Variants in PRR27 observed in about 807,000 individuals in gnomAD.
PRR27 encodes proline rich 27.
Under a neutral mutation model 16.8 loss-of-function variants are expected in PRR27, and 12 were observed. The observed-to-expected ratio is 0.71, with a 90% CI of 0.46 to 1.16. The LOEUF is 1.16. PRR27 is among the 50% of genes most tolerant of loss of function. The probability of loss-of-function intolerance (pLI) is 0.00; values close to 1 mark genes in which losing one functional copy is unlikely to be tolerated. For missense variants in PRR27, 277 were observed against 273.3 expected, an observed-to-expected ratio of 1.01 and a Z score of -0.10; for synonymous variants, 100 against 98.4, an observed-to-expected ratio of 1.02 and a Z score of -0.10.
chr4:70,156,202 G>A, intron 2 of PRR27, 125 bp downstream of exon 2: 1 of 482,782 alleles, frequency 2.1e-6, no homozygotes, highest in East Asian at 3.6e-5. Context: ...TAAAATAATA[G>A]TGCTATTAAA....
chr4:70,160,753 A>G (rs1728627408), intron 3 of PRR27, among the ~76,000 whole-genome samples: 1 of 152,038 alleles, frequency 6.6e-6, no homozygotes, highest in South Asian at 2.1e-4. Context: ...GACAAAAAAA[A>G]AAATGTAAGA....
At chr4:70,158,163 T>C (rs116567123) in intron 2 of PRR27, among the ~76,000 whole-genome samples, 165 bp from the exon 3 acceptor site, 3,257 of 152,334 alleles carry the variant, frequency 0.021, 38 homozygotes, top group Non-Finnish European at 0.03. Context: ...AAGAGATTAT[T>C]ACTTCTTACT....
Position 70,158,578 on chromosome 4 carries a change from TC to T in PRR27, c.329del (p.Pro110ArgfsTer35), listed in dbSNP as rs1451549115. The stretch of plus-strand genomic sequence containing the variant: ...GTTCCTCCTCTCCCTCCTAGGGGTT[TC>T]CCGTTTGTCCCTCCTTCAAGGTTTT... ...LNVPPLPPRG[F>X]PFVPPSRFFS... is the part of the protein sequence containing the mutation. On this transcript the variant is annotated frameshift_variant, in exon 3 of 5. Transcript: ENST00000344526. LOFTEE classifies it high-confidence loss of function. 2 of 1,614,036 alleles carry T rather than the reference TC, an allele frequency of 1.2e-6. No homozygotes were observed. Among genetic ancestry groups the T allele is most frequent in the African/African-American group, 2.7e-5 (2 of 74,902 alleles).
rs1422513875 is a variant in PRR27 at position 70,165,692 on chromosome 4, C to A, written c.*3031C>A. On this transcript the variant is annotated 3_prime_UTR_variant, in exon 5 of 5. Coordinates refer to ENST00000344526, the MANE Select transcript of PRR27 (RefSeq NM_214711.4). ...TGTATGTGTGTTTATATCCATCTTACATAATTCTTTACTGTATAGCGTTCC... is the reference window on the plus strand; with the variant it reads ...TGTATGTGTGTTTATATCCATCTTAAATAATTCTTTACTGTATAGCGTTCC... 2 of 152,086 alleles carry A rather than the reference C, an allele frequency of 1.3e-5. No individual in the cohort carries two copies. Among genetic ancestry groups the A allele is most frequent in the African/African-American group, 4.8e-5 (2 of 41,440 alleles). The allele number at this position is 152,086 out of a possible 1,614,324, so 9.4% of individuals were successfully genotyped here. A position where few individuals can be genotyped will look rare whatever the true frequency, so the allele number is the denominator to read the frequency against.
intron 1 of PRR27, among the ~76,000 whole-genome samples, chr4:70,154,975 T>C (rs1178664302): frequency 6.6e-6 from 1 of 152,190 alleles, no homozygotes; most frequent in Non-Finnish European, 1.5e-5. Context: ...CTATGCTAAA[T>C]ATTATCTTTT....
chr4:70,161,179 T>TATATATATATATATATATAC (rs527588905), intron 3 of PRR27, among the ~76,000 whole-genome samples: 35 of 107,664 alleles, frequency 3.3e-4, no homozygotes, highest in South Asian at 1.5e-3. Context: ...TATATATATA[T>TATATATATATATATATATAC]ACACACATAC....
At chr4:70,159,891 T>A (rs1206680875) in intron 3 of PRR27, among the ~76,000 whole-genome samples, 1 of 152,178 alleles carries the variant, frequency 6.6e-6, no homozygotes, top group Non-Finnish European at 1.5e-5. Context: ...GATCAAGAAC[T>A]TTTTCCTGCC....
rs116724729 is a variant in PRR27, at chr4:70,160,281, C to T, written c.649-1305C>T. On this transcript the variant is annotated intron_variant, in intron 3 of 4. Transcript: ENST00000344526. Reference sequence around the variant, plus strand: ...CTTAGCTCCCATTTATAAGTGAGAACACAGATATCTAGATCTTTGTATCTA... The same window carrying T: ...CTTAGCTCCCATTTATAAGTGAGAATACAGATATCTAGATCTTTGTATCTA... Among the ~76,000 whole-genome samples the T allele has an allele frequency of 3.9e-3, 588 of 152,214 alleles. 6 individuals are homozygous for T. The highest frequency in any genetic ancestry group is 0.012 in the African/African-American group (496 of 41,526).
intron 2 of PRR27, among the ~76,000 whole-genome samples, chr4:70,157,752 C>T (rs1473197254): frequency 6.6e-6 from 1 of 152,146 alleles, no homozygotes; most frequent in East Asian, 1.9e-4. Context: ...ATCTCTTGAC[C>T]TCGTGATCCG....
At chr4:70,159,683 A>G (rs1405330806) in intron 3 of PRR27, among the ~76,000 whole-genome samples, 1 of 152,198 alleles carries the variant, frequency 6.6e-6, no homozygotes, top group African/African-American at 2.4e-5. Context: ...TAGTACACAC[A>G]TATATGTGTG....
Position 70,158,858 on chromosome 4 carries a change from G to A in PRR27, c.606G>A (p.Lys202=). 1 of 1,614,002 alleles carries A rather than the reference G, an allele frequency of 6.2e-7. No homozygotes were observed. Among genetic ancestry groups the A allele is most frequent in the African/African-American group, 1.3e-5 (1 of 74,984 alleles). The part of the protein sequence containing the change: ...EPSPAEPATA[K]PAAPEPHPSP... ...CACCAGCTGAGCCTGCTACAGCCAA[G>A]CCTGCTGCCCCAGAACCTCACCCTT... The change falls in exon 3 of 5, where the codon AAG becomes AAA. Residue 202 remains lysine, a synonymous_variant. Coordinates refer to ENST00000344526, the MANE Select transcript of PRR27 (RefSeq NM_214711.4).
In PRR27 at chr4:70,158,720, T is replaced by C; in HGVS notation, c.468T>C (p.Ala156=). 1 of 1,580,806 alleles carries C rather than the reference T, an allele frequency of 6.3e-7. No individual in the cohort carries two copies. Reference sequence around the variant, plus strand: ...CTGCTGCAGGGGCCCCTGTTGCAGCTGAGCCTGCTGCAGAGGCACCTGTTG... The same window carrying C: ...CTGCTGCAGGGGCCCCTGTTGCAGCCGAGCCTGCTGCAGAGGCACCTGTTG... ...AEPAAGAPVA[A]EPAAEAPVGA... Residue 156 remains alanine, a synonymous_variant, in exon 3 of 5, where the codon GCT becomes GCC. Coordinates refer to ENST00000344526, the MANE Select transcript of PRR27 (RefSeq NM_214711.4).
chr4:70,154,525 T>C, intron 1 of PRR27, 99 bp downstream of exon 1: 1 of 1,036,718 alleles, frequency 9.6e-7, no homozygotes, highest in East Asian at 2.5e-5. Flanking sequence ...GTGTTTGTAA[T>C]AAAGCAGCAG....
chr4:70,155,426 G>T (rs1728452638), intron 1 of PRR27, among the ~76,000 whole-genome samples: 1 of 151,150 alleles, frequency 6.6e-6, no homozygotes, highest in Admixed American at 6.6e-5. Context: ...GTGCAGTGGC[G>T]CGACCTGGGC....
At chr4:70,158,293 T>TACAA (rs71210149) in intron 2 of PRR27, 35 bp from the exon 3 acceptor site, 1,347,062 of 1,372,654 alleles carry the variant, frequency 0.98, 661,625 homozygotes, top group East Asian at 1. Context: ...ACAGGACAAA[T>TACAA]ACAATCAACT....
chr4:70,158,623 C>A lies in PRR27; in HGVS notation c.371C>A (p.Pro124His). 6.2e-7 allele frequency: 1 copy of A among 1,614,052 alleles called. No individual in the cohort carries two copies. The highest frequency in any genetic ancestry group is 8.5e-7 in the Non-Finnish European group (1 of 1,179,982). The change falls in exon 3 of 5, where the codon CCC becomes CAC. Residue 124 changes from proline to histidine, a missense_variant. By Grantham distance (77) the Pro-to-His change is moderately conservative (BLOSUM62 -2). Coordinates refer to ENST00000344526, the MANE Select transcript of PRR27 (RefSeq NM_214711.4). ...PSRFFSAAAA[P>H]AAPPIAAEPA... ...AGGTTTTTTTCAGCAGCTGCAGCACCCGCTGCCCCACCTATTGCAGCTGAG... is the reference window on the plus strand; with the variant it reads ...AGGTTTTTTTCAGCAGCTGCAGCACACGCTGCCCCACCTATTGCAGCTGAG...
Position 70,154,277 on chromosome 4 carries a change from T to C in PRR27, c.-99T>C. ...CAGACTAAAAAAGCCATGTATTCTT[T>C]CGTTTCTCTCTAAAAGAAGAAAAAT... is the stretch of plus-strand genomic sequence containing the variant. On this transcript the variant is annotated 5_prime_UTR_variant, in exon 1 of 5. Coordinates refer to ENST00000344526, the MANE Select transcript of PRR27 (RefSeq NM_214711.4). 1 of 1,019,374 alleles carries C rather than the reference T, an allele frequency of 9.8e-7. No homozygotes were observed. The highest frequency in any genetic ancestry group is 1.5e-6 in the Non-Finnish European group (1 of 678,502). The allele number at this position is 1,019,374 out of a possible 1,614,324, so 63.1% of individuals were successfully genotyped here.
At position 70,163,313 on chromosome 4, in the gene PRR27, C is replaced by CTTTTTTT. The variant is rs34248161; in HGVS notation, c.*665_*671dup. 7 of 126,652 alleles carry CTTTTTTT rather than the reference C, an allele frequency of 5.5e-5. No homozygotes were observed. Among genetic ancestry groups the CTTTTTTT allele is most frequent in the Admixed American group, 4.2e-4 (5 of 11,822 alleles). The allele number at this position is 126,652 out of a possible 1,614,324, so 7.8% of individuals were successfully genotyped here. On this transcript the variant is annotated 3_prime_UTR_variant, in exon 5 of 5. Transcript: ENST00000344526. ...CCTAACAGAAATGGAGGAATAGCCT[C>CTTTTTTT]TTTTTTTTTTTTTTTTTTTGAGACG...
chr4:70,158,124 T>G (rs1728532637), intron 2 of PRR27, among the ~76,000 whole-genome samples: 2 of 152,192 alleles, frequency 1.3e-5, no homozygotes, highest in South Asian at 4.1e-4. Context: ...AAATATTTCC[T>G]CCTCAGTTGG....
Sources: gnomAD v4.1 joint callset for allele counts (sites outside exome capture counted in the v4.1 genomes callset) on GRCh38, gnomAD v4.1.1 for gene constraint, MANE v1.5 for transcripts, NCBI Gene and HGNC (gene_info 2026-07-23, HGNC 2026-07-21) for gene names.